The following PTPRD variants were observed in gnomAD, a reference collection of about 807,000 sequenced individuals.
The protein encoded by PTPRD is receptor-type tyrosine-protein phosphatase delta.
PTPRD carries 34 observed loss-of-function variants against 214.5 expected under a neutral mutation model. The observed-to-expected ratio is 0.16, with a 90% confidence interval of 0.12 to 0.21. The LOEUF (loss-of-function observed/expected upper bound fraction) is 0.21. PTPRD is among the 10% of genes least tolerant of loss of function. The pLI is 1.00. For missense variants in PTPRD, 2,545 were observed against 2,398.7 expected, an observed-to-expected ratio of 1.06 and a Z score of -1.27; for synonymous variants, 1,128 against 845.7, an observed-to-expected ratio of 1.33 and a Z score of -5.79.
chr9:10,081,811 G>T (rs1376722228), intron 3 of PTPRD, among the ~76,000 whole-genome samples: 1 of 151,914 alleles, frequency 6.6e-6, no homozygotes, highest in Non-Finnish European at 1.5e-5. Flanking sequence ...TTTTATTCGG[G>T]TTTTAAATTT....
intron 9 of PTPRD, among the ~76,000 whole-genome samples, chr9:9,197,323 A>C (rs1161152705): frequency 6.6e-6 from 1 of 152,190 alleles, no homozygotes; most frequent in Non-Finnish European, 1.5e-5. Context: ...CCTACGCTGC[A>C]GTGAACACTA....
At chr9:10,000,842 A>G (rs1331153253) in intron 4 of PTPRD, among the ~76,000 whole-genome samples, 1 of 151,922 alleles carries the variant, frequency 6.6e-6, no homozygotes, top group Non-Finnish European at 1.5e-5. Flanking sequence ...AGCTATCTCC[A>G]CGGGTGCAGG....
At chr9:9,163,149 C>G (rs572458212) in intron 10 of PTPRD, among the ~76,000 whole-genome samples, 1 of 152,054 alleles carries the variant, frequency 6.6e-6, no homozygotes, top group Non-Finnish European at 1.5e-5. Flanking sequence ...ATCCAAGAAA[C>G]CTTTGGTAAG....
At chr9:9,157,100 C>T (rs557587670) in intron 10 of PTPRD, among the ~76,000 whole-genome samples, 1 of 152,136 alleles carries the variant, frequency 6.6e-6, no homozygotes, top group Non-Finnish European at 1.5e-5. Flanking sequence ...GGAAACACAA[C>T]ATATGAAAAC....
intron 10 of PTPRD, among the ~76,000 whole-genome samples, chr9:9,045,668 C>T (rs187704047): frequency 2.0e-5 from 3 of 152,290 alleles, no homozygotes; most frequent in Admixed American, 2.0e-4. Context: ...GCTTATAAAA[C>T]TCTGCATAAA....
chr9:9,599,359 A>G (rs769628246), intron 7 of PTPRD, among the ~76,000 whole-genome samples: 4 of 151,970 alleles, frequency 2.6e-5, no homozygotes, highest in African/African-American at 4.8e-5. Flanking sequence ...CTGAGTTGGG[A>G]TTTTATCTGA....
intron 11 of PTPRD, among the ~76,000 whole-genome samples, chr9:8,744,023 A>T (rs1212929536): frequency 6.6e-6 from 1 of 152,106 alleles, no homozygotes; most frequent in Non-Finnish European, 1.5e-5. Flanking sequence ...GCCAACAAGC[A>T]TATGGAAAAA....
intron 12 of PTPRD, among the ~76,000 whole-genome samples, chr9:8,681,937 G>A (rs1043096066): frequency 2.6e-5 from 4 of 151,994 alleles, no homozygotes; most frequent in Non-Finnish European, 4.4e-5. Flanking sequence ...CTGAACAACC[G>A]ACTACGGTAG....
chr9:10,024,602 A>C (rs2096884823), intron 4 of PTPRD, among the ~76,000 whole-genome samples: 2 of 152,138 alleles, frequency 1.3e-5, no homozygotes, highest in African/African-American at 4.8e-5. Flanking sequence ...CCTTCAAGAA[A>C]TTTAGAAATT....
At chr9:8,421,657 A>C (rs1022955129) in intron 35 of PTPRD, among the ~76,000 whole-genome samples, 3 of 152,124 alleles carry the variant, frequency 2.0e-5, no homozygotes, top group Non-Finnish European at 4.4e-5. Flanking sequence ...GTTTGGCCCA[A>C]ATTGACAATG....
chr9:10,017,711 T>G (rs1488998430), intron 4 of PTPRD, among the ~76,000 whole-genome samples: 1 of 152,160 alleles, frequency 6.6e-6, no homozygotes, highest in Non-Finnish European at 1.5e-5. Context: ...TTCTGGAATC[T>G]GTATTCTGTT....
At chr9:8,648,593 T>C (rs1362471596) in intron 12 of PTPRD, among the ~76,000 whole-genome samples, 1 of 152,190 alleles carries the variant, frequency 6.6e-6, no homozygotes, top group Non-Finnish European at 1.5e-5. Context: ...ACTACCTATT[T>C]ATGCATTCAA....
intron 3 of PTPRD, among the ~76,000 whole-genome samples, chr9:10,233,253 T>C (rs1206151940): frequency 6.6e-6 from 1 of 152,030 alleles, no homozygotes; most frequent in Admixed American, 6.6e-5. Flanking sequence ...AGTGAGGGGC[T>C]TGGATGTACA....
In PTPRD at chr9:10,511,947, CGT is replaced by C. The variant is rs1349081868; in HGVS notation, c.-600+100449_-600+100450del. On this transcript the variant is annotated intron_variant, in intron 2 of 45. Transcript: ENST00000381196. ...ATATATATACGTGTATATATATATA[CGT>C]GTGTGTATATATATATACGTGTGTG... 1.8e-4 allele frequency among the ~76,000 whole-genome samples: 12 copies of C among 67,508 alleles called. 1 individual carries two copies. The highest frequency in any genetic ancestry group is 6.5e-4 in the South Asian group (1 of 1,534). 44.3% of individuals were successfully genotyped at this position (67,508 alleles called of 152,430 possible). A position where few individuals can be genotyped will look rare whatever the true frequency, so the allele number is the denominator to read the frequency against.
intron 8 of PTPRD, among the ~76,000 whole-genome samples, chr9:9,508,422 G>T (rs1214605858): frequency 2.0e-5 from 3 of 151,380 alleles, no homozygotes; most frequent in Non-Finnish European, 4.4e-5. Context: ...CATAATGAAA[G>T]TAAAGACAAT....
chr9:10,596,534 G>A (rs1302016842), intron 2 of PTPRD, among the ~76,000 whole-genome samples: 3 of 151,452 alleles, frequency 2.0e-5, no homozygotes, highest in African/African-American at 7.3e-5. Context: ...CAAAGAATAA[G>A]CACATATATT....
intron 3 of PTPRD, among the ~76,000 whole-genome samples, chr9:10,330,954 C>T (rs531737738): frequency 1.3e-5 from 2 of 151,858 alleles, no homozygotes; most frequent in African/African-American, 2.4e-5. Context: ...TACAAGAATT[C>T]CAGTTTATCT....
chr9:9,531,339 G>A (rs1244215131), intron 8 of PTPRD, among the ~76,000 whole-genome samples: 1 of 152,168 alleles, frequency 6.6e-6, no homozygotes, highest in Non-Finnish European at 1.5e-5. Context: ...ATTGAGGGCT[G>A]AGAGAATATG....
intron 11 of PTPRD, among the ~76,000 whole-genome samples, chr9:8,827,605 TCAAA>T (rs953554217): frequency 2.6e-5 from 4 of 152,152 alleles, no homozygotes; most frequent in African/African-American, 9.7e-5. Flanking sequence ...AGACTCTGTC[TCAAA>T]CAAACAAAAA....
Sources: allele counts gnomAD v4.1 joint callset (sites outside exome capture counted in the v4.1 genomes callset), GRCh38; gene constraint gnomAD v4.1.1; transcripts MANE v1.5; gene names NCBI Gene and HGNC (gene_info 2026-07-23, HGNC 2026-07-21).